STK3: variants seen among roughly 807,000 people sequenced by gnomAD.
STK3 encodes serine/threonine kinase 3.
Under a neutral mutation model 58.0 loss-of-function variants are expected in STK3, and 41 were observed. The observed-to-expected ratio is 0.71, with a 90% CI of 0.55 to 0.92. The LOEUF is 0.92. Ranked by LOEUF, STK3 falls within the 40% of genes least tolerant of loss-of-function variation. STK3 has a pLI of 0.00. For missense variants in STK3, 479 were observed against 602.7 expected (o/e 0.79, Z 2.15); for synonymous variants, 170 against 191.0 (o/e 0.89, Z 0.91).
chr8:98,841,786 A>G (rs1564054645), intron 3 of STK3, among the ~76,000 whole-genome samples: 1 of 151,926 alleles, frequency 6.6e-6, no homozygotes, highest in Non-Finnish European at 1.5e-5. Flanking sequence ...AATAATAGTA[A>G]TAAAAAATAC....
At chr8:98,579,591 T>A in intron 8 of STK3, 73 bp downstream of exon 8, 1 of 1,519,520 alleles carries the variant, frequency 6.6e-7, no homozygotes, top group Non-Finnish European at 8.9e-7. Context: ...TAAGTGCTTT[T>A]AATATATTTT....
intron 1 of STK3, chr8:98,438,186 C>T (rs1168879961): frequency 1.3e-5 from 2 of 152,110 alleles, no homozygotes; most frequent in African/African-American, 2.4e-5. Flanking sequence ...TTTTACAAAG[C>T]CCTCCTGTGT....
chr8:98,778,095 C>A (rs1014691073), intron 1 of STK3, among the ~76,000 whole-genome samples: 1 of 151,798 alleles, frequency 6.6e-6, no homozygotes, highest in African/African-American at 2.4e-5. Context: ...AACAGGCAAC[C>A]TACAGAATGG....
At chr8:98,641,239 G>C (rs1819993934) in intron 6 of STK3, among the ~76,000 whole-genome samples, 1 of 151,942 alleles carries the variant, frequency 6.6e-6, no homozygotes, top group South Asian at 2.1e-4. Context: ...TTTCTCTCCT[G>C]CTAATTGACT....
chr8:98,691,061 G>A (rs1824372034), intron 6 of STK3, among the ~76,000 whole-genome samples: 1 of 152,150 alleles, frequency 6.6e-6, no homozygotes, highest in African/African-American at 2.4e-5. Context: ...ACTCTAAAAG[G>A]AAGGAAGGAG....
chr8:98,702,569 C>T (rs1168968909), intron 6 of STK3, among the ~76,000 whole-genome samples: 1 of 152,170 alleles, frequency 6.6e-6, no homozygotes, highest in African/African-American at 2.4e-5. Flanking sequence ...CTAAGCAATA[C>T]TACTTTACAA....
chr8:98,525,298 G>A (rs1563700379), intron 10 of STK3, among the ~76,000 whole-genome samples: 1 of 152,014 alleles, frequency 6.6e-6, no homozygotes, highest in Non-Finnish European at 1.5e-5. Flanking sequence ...GGGAGTCAGG[G>A]ATGAGAAATT....
chr8:98,916,111 C>T (rs566848474), intron 1 of STK3, among the ~76,000 whole-genome samples: 24 of 152,100 alleles, frequency 1.6e-4, no homozygotes, highest in Middle Eastern at 3.4e-3. Context: ...GTTAAAACCC[C>T]GTTTAAAAAA....
intron 1 of STK3, among the ~76,000 whole-genome samples, chr8:98,786,637 A>G (rs922799696): frequency 1.6e-4 from 24 of 152,350 alleles, no homozygotes; most frequent in African/African-American, 5.8e-4. Context: ...GAAATACAGG[A>G]TTATGTAAAG....
chr8:98,710,502 C>T (rs1249042536), intron 4 of STK3, among the ~76,000 whole-genome samples: 2 of 152,230 alleles, frequency 1.3e-5, no homozygotes, highest in Non-Finnish European at 2.9e-5. Context: ...ATATCCCGCG[C>T]CTGGCTTGGA....
rs188074575 is a variant in STK3 at position 98,460,852 on chromosome 8, C to A, written c.1318-4852G>T. Among the ~76,000 whole-genome samples, 30 of 152,284 alleles carry A rather than the reference C, an allele frequency of 2.0e-4. No individual in the cohort carries two copies. In the South Asian group the frequency reaches 6.0e-3, roughly 31 times the overall value. ...AAGTTTCCTGAGGCCTCCCCAGGCA[C>A]GCAGAACTATGAATCAACTCGATTT... On this transcript the variant is annotated intron_variant, in intron 10 of 10. Transcript: ENST00000419617.
rs73699929 is a variant in STK3 at position 98,861,922 on chromosome 8, C to G, written c.110+21725G>C. 5.7e-3 allele frequency among the ~76,000 whole-genome samples: 861 copies of G among 152,296 alleles called. 7 individuals carry two copies. Among genetic ancestry groups the G allele is most frequent in the African/African-American group, 0.019 (803 of 41,562 alleles). On this transcript the variant is annotated intron_variant, in intron 3 of 12. Transcript: ENST00000523601. ...TTATTTGAAGTCCCAGTTTCCTCAT[C>G]TGAAAGAATGTCAGCCTGAGAGATT...
intron 6 of STK3, among the ~76,000 whole-genome samples, chr8:98,667,193 T>C (rs1822429809): frequency 6.6e-6 from 1 of 152,172 alleles, no homozygotes; most frequent in East Asian, 1.9e-4. Flanking sequence ...TGTCCTAAAC[T>C]CTTTTACTCC....
At chr8:98,693,005 CAGA>C (rs1297503321) in intron 6 of STK3, among the ~76,000 whole-genome samples, 4 of 152,034 alleles carry the variant, frequency 2.6e-5, no homozygotes, top group African/African-American at 9.7e-5. Flanking sequence ...ATCTTGAAAG[CAGA>C]AGATCATCCT....
At chr8:98,736,804 T>C (rs1487983604) in intron 4 of STK3, among the ~76,000 whole-genome samples, 6 of 152,180 alleles carry the variant, frequency 3.9e-5, no homozygotes, top group Non-Finnish European at 7.4e-5. Context: ...ATTTTGTTTC[T>C]TCTCTATAAT....
intron 6 of STK3, among the ~76,000 whole-genome samples, chr8:98,651,158 G>A (rs950409134): frequency 5.9e-5 from 9 of 152,186 alleles, no homozygotes; most frequent in East Asian, 1.9e-4. Flanking sequence ...CCAGAGGAAC[G>A]ATCAGACAGC....
intron 9 of STK3, among the ~76,000 whole-genome samples, chr8:98,537,603 A>T (rs1218922798): frequency 1.3e-5 from 2 of 152,214 alleles, no homozygotes; most frequent in Non-Finnish European, 2.9e-5. Flanking sequence ...TTTTAAGCAC[A>T]AAAAGAATAA....
rs565049174 is a variant in STK3, at chr8:98,747,931, T to C, written c.351+1345A>G. Among the ~76,000 whole-genome samples, 4 of 152,326 alleles carry C rather than the reference T, an allele frequency of 2.6e-5. No homozygotes were observed. In the South Asian group the frequency reaches 8.3e-4, roughly 32 times the overall value. ...AATATGAATGGATAAAATCTTTCCT[T>C]TGATAACTGACAAAGAGTTTTCTGA... On this transcript the variant is annotated intron_variant, in intron 4 of 10. Transcript: ENST00000419617.
At chr8:98,782,529 C>A in intron 1 of STK3, 2 of 331,862 alleles carry the variant, frequency 6.0e-6, no homozygotes, top group South Asian at 3.1e-5. Context: ...GCCTGCTGGT[C>A]TAAGACCAAG....
Sources: gnomAD v4.1 joint callset for allele counts (sites outside exome capture counted in the v4.1 genomes callset) on GRCh38, gnomAD v4.1.1 for gene constraint, MANE v1.5 for transcripts, NCBI Gene and HGNC (gene_info 2026-07-23, HGNC 2026-07-21) for gene names.